Variants in CENPF observed in about 807,000 individuals in gnomAD.
CENPF encodes AH antigen.
In CENPF, 214 loss-of-function variants were observed where a neutral mutation model predicts 307.3. The ratio of observed to expected loss-of-function variants is 0.70; its 90% CI spans 0.62 to 0.78. CENPF has a LOEUF of 0.78. Among genes scored for constraint, CENPF ranks in the 30% least tolerant of loss-of-function variants. CENPF has a pLI of 0.00. For missense variants in CENPF, 3,401 were observed against 3,483.9 expected, an observed-to-expected ratio of 0.98 and a Z score of 0.60; for synonymous variants, 1,259 against 1,270.6, an observed-to-expected ratio of 0.99 and a Z score of 0.19.
intron 14 of CENPF, among the ~76,000 whole-genome samples, chr1:214,649,961 C>G (rs1658417639): frequency 1.3e-5 from 2 of 152,218 alleles, no homozygotes; most frequent in Non-Finnish European, 2.9e-5. Flanking sequence ...GTGTTTCCTG[C>G]ACTCATGCAG....
In CENPF at chr1:214,630,556, C is replaced by G. The variant is rs1283156827; in HGVS notation, c.1217C>G (p.Ser406Cys). The change falls in exon 9 of 20, where the codon TCT becomes TGT. Residue 406 changes from serine (S) to cysteine (C), a missense_variant. Transcript: ENST00000366955. ...CAGGAGCTCTCCCGTCAACAGCGTT[C>G]TTTCCAAACACTGGACCAGGAGTGC... is the stretch of plus-strand genomic sequence containing the variant. ...FQEELSRQQRSFQTLDQECIQ... is the reference protein window; with the variant it reads ...FQEELSRQQRCFQTLDQECIQ... 6.2e-7 allele frequency: 1 copy of G among 1,614,138 alleles called. No individual in the cohort carries two copies. The highest frequency in any genetic ancestry group is 8.5e-7 in the Non-Finnish European group (1 of 1,180,016).
rs765021891 is a variant in CENPF at position 214,642,691 on chromosome 1, G to C, written c.4353G>C (p.Thr1451=). 9.3e-6 allele frequency: 15 copies of C among 1,614,008 alleles called. No homozygotes were observed. In the African/African-American group the frequency reaches 1.7e-4, roughly 19 times the overall value. Residue 1451 remains threonine, a synonymous_variant, in exon 12 of 20, where the codon ACG becomes ACC. Coordinates refer to ENST00000366955, the MANE Select transcript of CENPF (RefSeq NM_016343.4). The part of the protein sequence containing the change: ...SLKAENLVLS[T]NLRNFQGDLV... ...AGGCCGAAAATTTGGTCTTGTCAAC[G>C]AATCTGAGAAACTTTCAAGGTGACT...
rs184011993 is a variant in CENPF, at chr1:214,662,377, C to T, written c.9142-1214C>T. On this transcript the variant is annotated intron_variant, in intron 19 of 19. Coordinates refer to ENST00000366955, the MANE Select transcript of CENPF (RefSeq NM_016343.4). ...GTCTTTTCAGTGTCCTGGACACACTCTGAGGGAGAAGTGAGCTTTCCTGGG... is the reference window on the plus strand; with the variant it reads ...GTCTTTTCAGTGTCCTGGACACACTTTGAGGGAGAAGTGAGCTTTCCTGGG... Among the ~76,000 whole-genome samples, 19 of 152,284 alleles carry T rather than the reference C, an allele frequency of 1.2e-4. No individual in the cohort carries two copies. In the East Asian group the frequency reaches 3.5e-3, roughly 28 times the overall value.
Position 214,630,784 on chromosome 1 carries a change from C to A in CENPF, c.1323+122C>A, listed in dbSNP as rs180840467. 8.6e-5 allele frequency: 107 copies of A among 1,244,018 alleles called. 2 individuals carry two copies. In the African/African-American group the frequency reaches 1.4e-3, roughly 16 times the overall value. The allele number at this position is 1,244,018 out of a possible 1,614,324, so 77.1% of individuals were successfully genotyped here. ...AAAAAGCGCTCCACCTTCACTTTCC[C>A]TATCAAAGTGGAGAATGTACAGAAC... is the stretch of plus-strand genomic sequence containing the variant. On this transcript the variant is annotated intron_variant, in intron 9 of 19. Coordinates refer to ENST00000366955, the MANE Select transcript of CENPF (RefSeq NM_016343.4).
intron 1 of CENPF, among the ~76,000 whole-genome samples, chr1:214,610,192 C>T (rs1315715411): frequency 6.6e-6 from 1 of 152,028 alleles, no homozygotes; most frequent in Non-Finnish European, 1.5e-5. Context: ...GATTTATATT[C>T]CTCTGGGTAT....
chr1:214,616,213 G>A (rs1274321814), intron 3 of CENPF, among the ~76,000 whole-genome samples: 2 of 151,976 alleles, frequency 1.3e-5, no homozygotes, highest in Admixed American at 1.3e-4. Flanking sequence ...AAGAAAAAAT[G>A]GTTTATGAAA....
rs11120372 is a variant in CENPF at position 214,648,616 on chromosome 1, G to A, written c.7831-59G>A. On this transcript the variant is annotated intron_variant, in intron 13 of 19. Transcript: ENST00000366955. ...GGCATGAATATGTTGTATCAGAGTG[G>A]TCGATCTGATCAAAACAGACCACCA... The A allele has an allele frequency of 0.046, 72,328 of 1,566,464 alleles. 2,445 individuals are homozygous for A. Among genetic ancestry groups the A allele is most frequent in the Admixed American group, 0.13 (7,527 of 58,416 alleles).
chr1:214,645,937 A>G lies in CENPF; in HGVS notation c.6367A>G (p.Lys2123Glu). 1 of 1,614,190 alleles carries G rather than the reference A, an allele frequency of 6.2e-7. No homozygotes were observed. The highest frequency in any genetic ancestry group is 1.1e-5 in the South Asian group (1 of 91,088). The stretch of plus-strand genomic sequence containing the variant: ...GCATCAGCTGAGAAGAGGCATCGAG[A>G]AACTGAGAGTTCGCATTGAGGCCGA... ...EVHQLRRGIE[K>E]LRVRIEADEK... The change falls in exon 13 of 20, where the codon AAA becomes GAA. Residue 2123 changes from lysine to glutamate, a missense_variant. Physicochemically the swap from Lys to Glu is moderately conservative, Grantham distance 56 (BLOSUM62 1). Transcript: ENST00000366955.
At chr1:214,625,979 T>C (rs527449123) in intron 7 of CENPF, among the ~76,000 whole-genome samples, 1 of 152,282 alleles carries the variant, frequency 6.6e-6, no homozygotes, top group South Asian at 2.1e-4. Context: ...GGAAAGCCTA[T>C]TATATTTGTG....
chr1:214,613,648 C>A, intron 1 of CENPF, 66 bp from the exon 2 acceptor site: 1 of 1,176,106 alleles, frequency 8.5e-7, no homozygotes, highest in Non-Finnish European at 1.2e-6. Context: ...TAGATAGATT[C>A]ATTAATTTCT....
At chr1:214,663,473 A>T in intron 19 of CENPF, 118 bp from the exon 20 acceptor site, 1 of 987,738 alleles carries the variant, frequency 1.0e-6, no homozygotes, top group South Asian at 1.6e-5. Flanking sequence ...TACTTCAATT[A>T]TATATAACTC....
Position 214,655,293 on chromosome 1 carries a change from A to G in CENPF, c.8375A>G (p.Gln2792Arg), listed in dbSNP as rs1174355206. 3 of 1,610,380 alleles carry G rather than the reference A, an allele frequency of 1.9e-6. No individual in the cohort carries two copies. Among genetic ancestry groups the G allele is most frequent in the Non-Finnish European group, 2.5e-6 (3 of 1,178,256 alleles). ...NQLKKENERAQGKMKLLIKSC... is the reference protein window; with the variant it reads ...NQLKKENERARGKMKLLIKSC... ...TTGAAGAAGGAAAATGAACGTGCCC[A>G]GGGGAAAATGAAGTTGTTGATCAAA... Residue 2792 changes from glutamine to arginine, a missense_variant, in exon 17 of 20, where the codon CAG (glutamine) becomes CGG (arginine). Coordinates refer to ENST00000366955, the MANE Select transcript of CENPF (RefSeq NM_016343.4).
In CENPF at chr1:214,644,909, C is replaced by A; in HGVS notation, c.5339C>A (p.Ser1780Ter). 6.2e-7 allele frequency: 1 copy of A among 1,613,856 alleles called. No homozygotes were observed. Among genetic ancestry groups the A allele is most frequent in the South Asian group, 1.1e-5 (1 of 91,038 alleles). ...CTTCAACTGCGGGTAAAAGAGACAT[C>A]AAATGAGAATTTGAGATTACTTCAT... ...HNLQLRVKET[S>*]NENLRLLHVI... Residue 1780 changes from serine (S) to a stop codon, truncating the protein, a stop_gained, in exon 13 of 20, where the codon TCA becomes TAA. Transcript: ENST00000366955. LOFTEE classifies it high-confidence loss of function.
intron 9 of CENPF, 81 bp from the exon 10 acceptor site, chr1:214,632,399 C>T: frequency 1.2e-5 from 18 of 1,466,546 alleles, no homozygotes; most frequent in Non-Finnish European, 1.7e-5. Flanking sequence ...ATTCCATGAC[C>T]ATTTTATTGT....
In CENPF at chr1:214,643,239, TG is replaced by T. The variant is rs1318187243; in HGVS notation, c.4902del (p.Ser1635HisfsTer6). 6.3e-7 allele frequency: 1 copy of T among 1,593,922 alleles called. No homozygotes were observed. Among genetic ancestry groups the T allele is most frequent in the East Asian group, 2.2e-5 (1 of 44,750 alleles). ...GCAGAAAAGAAACAGACGGAACAAC[TG>T]TCACTTGAGCTGGAAGTAGCACGAC... ...LAAEKKQTEQ[L>X]SLELEVARLQ... On this transcript the variant is annotated frameshift_variant, in exon 12 of 20. Coordinates refer to ENST00000366955, the MANE Select transcript of CENPF (RefSeq NM_016343.4). LOFTEE classifies it high-confidence loss of function.
At position 214,647,411 on chromosome 1, in the gene CENPF, A is replaced by G. The variant is rs1188833922; in HGVS notation, c.7830+11A>G. The G allele has an allele frequency of 5.7e-6, 9 of 1,592,018 alleles. No individual in the cohort carries two copies. Among genetic ancestry groups the G allele is most frequent in the Admixed American group, 1.8e-5 (1 of 56,984 alleles). On this transcript the variant is annotated intron_variant, in intron 13 of 19. Coordinates refer to ENST00000366955, the MANE Select transcript of CENPF (RefSeq NM_016343.4). ...TCCTTTGTTGAAAAAGTAAGTGGCT[A>G]TATCTGTTTATGTTTAAATATGTAG...
chr1:214,626,568 C>T (rs886819692), intron 7 of CENPF, among the ~76,000 whole-genome samples: 6 of 152,162 alleles, frequency 3.9e-5, no homozygotes, highest in Non-Finnish European at 8.8e-5. Flanking sequence ...AGTCTCACTA[C>T]GTAATAGTAA....
intron 14 of CENPF, 79 bp downstream of exon 14, chr1:214,648,906 T>C: frequency 1.4e-6 from 2 of 1,400,680 alleles, no homozygotes; most frequent in Non-Finnish European, 2.0e-6. Flanking sequence ...CTGTAAGACC[T>C]TCTGTTGTTT....
chr1:214,608,487 G>C (rs1042975735), intron 1 of CENPF: 3 of 1,612,624 alleles, frequency 1.9e-6, no homozygotes, highest in Non-Finnish European at 2.5e-6. Context: ...CGGCATTGCT[G>C]TGCGAGAAGA....
Sources: allele counts gnomAD v4.1 joint callset (sites outside exome capture counted in the v4.1 genomes callset), GRCh38; gene constraint gnomAD v4.1.1; transcripts MANE v1.5; gene names NCBI Gene and HGNC (gene_info 2026-07-23, HGNC 2026-07-21).